The following JADE2 variants were observed in gnomAD, a reference collection of about 807,000 sequenced individuals.
JADE2 encodes jade family PHD finger 2.
JADE2 carries 13 observed loss-of-function variants against 85.7 expected under a neutral mutation model. The ratio of observed to expected loss-of-function variants is 0.15; its 90% confidence interval spans 0.10 to 0.24. The LOEUF (loss-of-function observed/expected upper bound fraction) is 0.24. JADE2 is among the 10% of genes least tolerant of loss of function. The pLI is 1.00. For synonymous variants in JADE2, 440 were observed against 456.1 expected, an observed-to-expected ratio of 0.96 and a Z score of 0.45; for missense variants, 846 against 1,115.9, an observed-to-expected ratio of 0.76 and a Z score of 3.45.
chr5:134,530,840 G>A (rs917486435), intron 1 of JADE2, among the ~76,000 whole-genome samples: 11 of 152,094 alleles, frequency 7.2e-5, no homozygotes, highest in Non-Finnish European at 1.5e-4. Context: ...GGGCCAGGGT[G>A]TTTGTTCCTG....
In JADE2 at chr5:134,562,388, G is replaced by A; in HGVS notation, c.852+21G>A. On this transcript the variant is annotated intron_variant, in intron 7 of 11. Transcript: ENST00000681547. The surrounding 1 kb of genome is among the most constrained non-coding windows in gnomAD (Gnocchi z 4.6). ...CTGAGGTGGGTGAGCGTGGAGGTGA[G>A]GCAGCCCAAGGAATAGCCCGTGGGG... is the stretch of plus-strand genomic sequence containing the variant. 1 of 1,596,478 alleles carries A rather than the reference G, an allele frequency of 6.3e-7. No individual in the cohort carries two copies. Among genetic ancestry groups the A allele is most frequent in the South Asian group, 1.1e-5 (1 of 89,312 alleles).
chr5:134,525,680 A>G lies in JADE2; in HGVS notation c.-332A>G, dbSNP rs752051419. 1.6e-6 allele frequency: 2 copies of G among 1,251,146 alleles called. No individual in the cohort carries two copies. Among genetic ancestry groups the G allele is most frequent in the East Asian group, 1.4e-4 (2 of 13,794 alleles). The allele number at this position is 1,251,146 out of a possible 1,614,324, so 77.5% of individuals were successfully genotyped here. A position where few individuals can be genotyped will look rare whatever the true frequency, so the allele number is the denominator to read the frequency against. On this transcript the variant is annotated 5_prime_UTR_variant, in exon 1 of 12. Coordinates refer to ENST00000681547, the MANE Select transcript of JADE2 (RefSeq NM_001388185.1). ...GGTTTAAAAAGAAACAGAAACATACACAGGGGGTTGGTGAATGGTGCCGAC... is the reference window on the plus strand; with the variant it reads ...GGTTTAAAAAGAAACAGAAACATACGCAGGGGGTTGGTGAATGGTGCCGAC...
Position 134,559,973 on chromosome 5 carries a change from C to T in JADE2, c.455C>T (p.Ser152Leu), listed in dbSNP as rs763856577. The change falls in exon 5 of 12, where the codon TCG becomes TTG. Residue 152 changes from serine (S) to leucine (L), a missense_variant. By Grantham distance (145) the Ser-to-Leu change is moderately radical. Around this residue, in one of 9 missense-constraint regions of JADE2, gnomAD observed 78 missense variants for 64.9 expected, o/e 1.20. Coordinates refer to ENST00000681547, the MANE Select transcript of JADE2 (RefSeq NM_001388185.1). Reference sequence around the variant, plus strand: ...GCCTACTGGCTGGAGCTCATCAACTCGGAGCTTAAGGAGATGGGTAGGTGA... The same window carrying T: ...GCCTACTGGCTGGAGCTCATCAACTTGGAGCTTAAGGAGATGGGTAGGTGA... The part of the protein sequence containing the change: ...IDAYWLELIN[S>L]ELKEMERPEL... 3.1e-5 allele frequency: 50 copies of T among 1,613,778 alleles called. No individual in the cohort carries two copies. Among genetic ancestry groups the T allele is most frequent in the East Asian group, 4.5e-5 (2 of 44,854 alleles).
chr5:134,554,749 A>G (rs1262930643), intron 4 of JADE2, among the ~76,000 whole-genome samples: 3 of 151,714 alleles, frequency 2.0e-5, no homozygotes, highest in East Asian at 1.9e-4. Flanking sequence ...TTCTGTTGCT[A>G]TCTCCCTCCG....
Position 134,578,819 on chromosome 5 carries a change from C to T in JADE2, c.2007C>T (p.Pro669=), listed in dbSNP as rs761426156. ...PGSRTTPDKA[P]KKTWGQDAGS... is the part of the protein sequence containing the mutation. Reference sequence around the variant, plus strand: ...CACGGACGACTCCAGACAAAGCCCCCAAGAAGACCTGGGGCCAGGATGCAG... The same window carrying T: ...CACGGACGACTCCAGACAAAGCCCCTAAGAAGACCTGGGGCCAGGATGCAG... Residue 669 remains proline, a synonymous_variant, in exon 12 of 12, where the codon CCC becomes CCT. Coordinates refer to ENST00000681547, the MANE Select transcript of JADE2 (RefSeq NM_001388185.1). This position sits in a 1 kb window ranked among gnomAD's most constrained non-coding sequence, Gnocchi z 4.4. The T allele has an allele frequency of 2.5e-6, 4 of 1,613,782 alleles. No homozygotes were observed. Among genetic ancestry groups the T allele is most frequent in the East Asian group, 2.2e-5 (1 of 44,888 alleles).
At chr5:134,573,333 T>G (rs991389382) in intron 9 of JADE2, among the ~76,000 whole-genome samples, 2 of 152,054 alleles carry the variant, frequency 1.3e-5, no homozygotes, top group African/African-American at 4.8e-5. Flanking sequence ...ACCAGGAAGG[T>G]AAGACTCAGA....
Position 134,566,089 on chromosome 5 carries a change from C to T in JADE2, c.970-27C>T. 1 of 1,590,050 alleles carries T rather than the reference C, an allele frequency of 6.3e-7. No homozygotes were observed. Among genetic ancestry groups the T allele is most frequent in the Non-Finnish European group, 8.6e-7 (1 of 1,163,664 alleles). The stretch of plus-strand genomic sequence containing the variant: ...CCCTCCCACCAGGCTCCCTCCATGT[C>T]TGATCCTGCCCCTCCTTTCCCCTCA... On this transcript the variant is annotated intron_variant, in intron 8 of 11. Coordinates refer to ENST00000681547, the MANE Select transcript of JADE2 (RefSeq NM_001388185.1). The surrounding 1 kb of genome is among the most constrained non-coding windows in gnomAD (Gnocchi z 6.7).
At position 134,580,433 on chromosome 5, in the gene JADE2, CCCGTCCTGCCATCCCCCCCCG is replaced by C. The variant is rs1764651914; in HGVS notation, c.*1127_*1147del. 1 of 128,862 alleles carries C rather than the reference CCCGTCCTGCCATCCCCCCCCG, an allele frequency of 7.8e-6. No homozygotes were observed. The highest frequency in any genetic ancestry group is 2.8e-5 in the African/African-American group (1 of 35,592). The allele number at this position is 128,862 out of a possible 1,614,324, so 8.0% of individuals were successfully genotyped here. The stretch of plus-strand genomic sequence containing the variant: ...AACCCCTCGCACAGCCATCCCCCCC[CCCGTCCTGCCATCCCCCCCCG>C]CCGTCCTGCCTTCCCCACCCCACCC... On this transcript the variant is annotated 3_prime_UTR_variant, in exon 12 of 12. Coordinates refer to ENST00000681547, the MANE Select transcript of JADE2 (RefSeq NM_001388185.1).
intron 4 of JADE2, among the ~76,000 whole-genome samples, chr5:134,555,592 C>T (rs2084007): frequency 0.44 from 66,715 of 152,018 alleles, 14,929 homozygotes; most frequent in Admixed American, 0.47. Context: ...TGATCTTGAT[C>T]CCAAGAGGCT....
intron 3 of JADE2, among the ~76,000 whole-genome samples, chr5:134,542,914 G>A (rs1762057880): frequency 6.6e-6 from 1 of 151,906 alleles, no homozygotes; most frequent in South Asian, 2.1e-4. Context: ...TGTATTTTTA[G>A]TAGAGACGGG....
intron 8 of JADE2, among the ~76,000 whole-genome samples, chr5:134,564,874 A>G (rs1763543125): frequency 6.6e-6 from 1 of 152,190 alleles, no homozygotes; most frequent in South Asian, 2.1e-4. Flanking sequence ...GCTTTCCCTG[A>G]AAGCAAGTGT....
intron 1 of JADE2, among the ~76,000 whole-genome samples, chr5:134,535,048 A>G (rs1371036578): frequency 6.6e-6 from 1 of 152,228 alleles, no homozygotes; most frequent in Non-Finnish European, 1.5e-5. Context: ...TAGCAGGACA[A>G]GGTGCTGGCC....
At chr5:134,560,488 A>G (rs1276191044) in intron 5 of JADE2, among the ~76,000 whole-genome samples, 4 of 152,146 alleles carry the variant, frequency 2.6e-5, no homozygotes, top group African/African-American at 9.7e-5. Flanking sequence ...TGTTAATTGT[A>G]CACATGTGTC....
chr5:134,575,370 A>G (rs1157462296), intron 10 of JADE2: 1 of 152,260 alleles, frequency 6.6e-6, no homozygotes, highest in Admixed American at 6.5e-5. Flanking sequence ...GAAGGATAGG[A>G]GAAGAAAACA....
intron 9 of JADE2, among the ~76,000 whole-genome samples, chr5:134,571,605 G>C (rs1333371657): frequency 6.6e-6 from 1 of 152,208 alleles, no homozygotes; most frequent in Non-Finnish European, 1.5e-5. Context: ...GCTGAGGCAG[G>C]AGAATGGCTT....
chr5:134,577,389 A>G (rs1422734755), intron 11 of JADE2, among the ~76,000 whole-genome samples: 2 of 152,172 alleles, frequency 1.3e-5, no homozygotes, highest in African/African-American at 4.8e-5. Flanking sequence ...GCCTCCTGTT[A>G]GGCAGAGCAG....
At chr5:134,530,051 G>A (rs1408295060) in intron 1 of JADE2, among the ~76,000 whole-genome samples, 1 of 152,228 alleles carries the variant, frequency 6.6e-6, no homozygotes, top group Non-Finnish European at 1.5e-5. Flanking sequence ...GAGGATCCCA[G>A]GCAGCAGCCC....
chr5:134,530,858 C>T (rs1761187302), intron 1 of JADE2, among the ~76,000 whole-genome samples: 1 of 152,186 alleles, frequency 6.6e-6, no homozygotes, highest in African/African-American at 2.4e-5. Flanking sequence ...CTGCAAGCCA[C>T]AGGCAGGCCA....
chr5:134,555,730 G>C (rs886286670), intron 4 of JADE2, among the ~76,000 whole-genome samples: 1 of 152,190 alleles, frequency 6.6e-6, no homozygotes, highest in African/African-American at 2.4e-5. Context: ...CAAATTACAG[G>C]CTGCATTTTT....
Sources: gnomAD v4.1 joint callset for allele counts (sites outside exome capture counted in the v4.1 genomes callset) on GRCh38, gnomAD v4.1.1 for gene constraint, gnomAD v4.1.1 regional missense constraint, Gnocchi (gnomAD v3.1) non-coding constraint, MANE v1.5 for transcripts, NCBI Gene and HGNC (gene_info 2026-07-23, HGNC 2026-07-21) for gene names.